KCNK2: variants seen among roughly 807,000 people sequenced by gnomAD.
KCNK2 encodes the protein potassium two pore domain channel subfamily K member 2, also known as potassium channel subfamily K member 2.
In KCNK2, 21 loss-of-function variants were observed where a neutral mutation model predicts 40.5. The ratio of observed to expected loss-of-function variants is 0.52; its 90% CI spans 0.37 to 0.75. The LOEUF (loss-of-function observed/expected upper bound fraction) is 0.75, where lower values mean the gene tolerates loss of function less well. KCNK2 is among the 30% of genes least tolerant of loss of function. The probability of loss-of-function intolerance (pLI) is 0.00; values close to 1 mark genes in which losing one functional copy is unlikely to be tolerated. For synonymous variants in KCNK2, 191 were observed against 202.2 expected, an observed-to-expected ratio of 0.94 and a Z score of 0.47; for missense variants, 399 against 531.6, an observed-to-expected ratio of 0.75 and a Z score of 2.45.
In KCNK2 at chr1:215,181,790, T is replaced by C. The variant is rs376780892; in HGVS notation, c.823+9607T>C. On this transcript the variant is annotated intron_variant, in intron 5 of 6. Transcript: ENST00000444842. Reference sequence around the variant, plus strand: ...TAATCCTTTTTTAACGGGAATATCTTTCTGTTGCATAAGGCAATGGGCTGA... The same window carrying C: ...TAATCCTTTTTTAACGGGAATATCTCTCTGTTGCATAAGGCAATGGGCTGA... 5.6e-4 allele frequency among the ~76,000 whole-genome samples: 85 copies of C among 152,318 alleles called. No individual in the cohort carries two copies. In the South Asian group the frequency reaches 0.017, roughly 31 times the overall value.
intron 1 of KCNK2, among the ~76,000 whole-genome samples, chr1:215,046,095 T>C (rs1657758027): frequency 1.3e-5 from 2 of 152,162 alleles, no homozygotes; most frequent in South Asian, 4.1e-4. Context: ...TTTACACATA[T>C]TTAGATTTTA....
At chr1:215,088,897 A>G (rs1308835485) in intron 2 of KCNK2, among the ~76,000 whole-genome samples, 1 of 152,166 alleles carries the variant, frequency 6.6e-6, no homozygotes, top group Non-Finnish European at 1.5e-5. Flanking sequence ...ATATCAATTC[A>G]ATATTTTTCA....
intron 3 of KCNK2, among the ~76,000 whole-genome samples, chr1:215,134,576 G>C (rs1469839425): frequency 6.6e-6 from 1 of 152,092 alleles, no homozygotes; most frequent in African/African-American, 2.4e-5. Flanking sequence ...TCTAAGTGTG[G>C]TTGATTATCA....
At chr1:215,187,680 AAGG>A (rs1664502141) in intron 5 of KCNK2, among the ~76,000 whole-genome samples, 1 of 152,040 alleles carries the variant, frequency 6.6e-6, no homozygotes, top group Admixed American at 6.6e-5. Context: ...CTATACCTTA[AAGG>A]GGTCATACAA....
chr1:215,199,165 G>T (rs1326771106), intron 6 of KCNK2, among the ~76,000 whole-genome samples: 1 of 151,792 alleles, frequency 6.6e-6, no homozygotes, highest in African/African-American at 2.4e-5. Flanking sequence ...AAAATTAGCT[G>T]GGTATGGGGG....
At chr1:215,089,249 T>G (rs1166763904) in intron 2 of KCNK2, among the ~76,000 whole-genome samples, 1 of 152,154 alleles carries the variant, frequency 6.6e-6, no homozygotes, top group Non-Finnish European at 1.5e-5. Flanking sequence ...CGGATGAGAG[T>G]TCAGATCTTC....
intron 5 of KCNK2, among the ~76,000 whole-genome samples, chr1:215,190,042 G>A (rs1349892199): frequency 6.6e-6 from 1 of 152,200 alleles, no homozygotes. Flanking sequence ...CAGAAGAGAT[G>A]TATGGAACTG....
intron 1 of KCNK2, among the ~76,000 whole-genome samples, chr1:215,054,956 C>T (rs1164833377): frequency 2.0e-5 from 3 of 152,144 alleles, no homozygotes; most frequent in Admixed American, 2.0e-4. Flanking sequence ...GAGCACACAA[C>T]TCAAGTGTTA....
chr1:215,161,804 AT>A (rs1267020907), intron 3 of KCNK2, among the ~76,000 whole-genome samples: 6 of 152,060 alleles, frequency 3.9e-5, no homozygotes, highest in African/African-American at 1.4e-4. Flanking sequence ...TATGTGCCAC[AT>A]TTTCTTAATC....
chr1:215,129,365 A>G (rs1029818328), intron 3 of KCNK2, among the ~76,000 whole-genome samples: 2 of 152,172 alleles, frequency 1.3e-5, no homozygotes, highest in African/African-American at 2.4e-5. Flanking sequence ...CAGCAAGACT[A>G]GAAATATTGG....
At chr1:215,149,732 A>G (rs1358658614) in intron 3 of KCNK2, among the ~76,000 whole-genome samples, 1 of 152,246 alleles carries the variant, frequency 6.6e-6, no homozygotes, top group Non-Finnish European at 1.5e-5. Flanking sequence ...ATTTTGAAAG[A>G]TAATCAGGAG....
At chr1:215,015,830 G>A (rs1656568178) in intron 1 of KCNK2, among the ~76,000 whole-genome samples, 1 of 152,110 alleles carries the variant, frequency 6.6e-6, no homozygotes, top group South Asian at 2.1e-4. Flanking sequence ...ATAATACTGA[G>A]CAAACATAAA....
chr1:215,102,960 C>G (rs1660287604), intron 2 of KCNK2, among the ~76,000 whole-genome samples: 1 of 151,946 alleles, frequency 6.6e-6, no homozygotes, highest in Admixed American at 6.6e-5. Flanking sequence ...AAACATGTGA[C>G]AGTCATGCAG....
intron 1 of KCNK2, among the ~76,000 whole-genome samples, chr1:215,065,196 T>C (rs1658493802): frequency 6.6e-6 from 1 of 152,230 alleles, no homozygotes; most frequent in African/African-American, 2.4e-5. Flanking sequence ...ACAAGATTTT[T>C]AGGGGCACTC....
chr1:215,009,134 A>G (rs1455499936), intron 1 of KCNK2, among the ~76,000 whole-genome samples: 2 of 152,124 alleles, frequency 1.3e-5, no homozygotes, highest in African/African-American at 4.8e-5. Context: ...TCATCTTTAA[A>G]ATGTATCCTA....
chr1:215,105,547 T>C (rs971928789), intron 2 of KCNK2, among the ~76,000 whole-genome samples: 4 of 152,118 alleles, frequency 2.6e-5, no homozygotes, highest in African/African-American at 9.7e-5. Flanking sequence ...ACATATTTCT[T>C]GAATGTCCTG....
intron 6 of KCNK2, among the ~76,000 whole-genome samples, chr1:215,226,516 G>T (rs1233044275): frequency 1.3e-5 from 2 of 151,980 alleles, no homozygotes; most frequent in Non-Finnish European, 2.9e-5. Flanking sequence ...TGGTAGAGAC[G>T]GGGTTTCACC....
chr1:215,184,389 T>C (rs192737245), intron 5 of KCNK2, among the ~76,000 whole-genome samples: 1 of 152,168 alleles, frequency 6.6e-6, no homozygotes, highest in African/African-American at 2.4e-5. Context: ...ATGGCAACTG[T>C]GGAATATATA....
chr1:215,225,231 T>C (rs991750593), intron 6 of KCNK2, among the ~76,000 whole-genome samples: 1 of 152,162 alleles, frequency 6.6e-6, no homozygotes, highest in Non-Finnish European at 1.5e-5. Context: ...TTGGTAAAAA[T>C]GCAATTTTAT....
Sources: gnomAD v4.1 joint callset for allele counts (sites outside exome capture counted in the v4.1 genomes callset) on GRCh38, gnomAD v4.1.1 for gene constraint, MANE v1.5 for transcripts, NCBI Gene and HGNC (gene_info 2026-07-23, HGNC 2026-07-21) for gene names.